Variants in PKHD1 observed in about 807,000 individuals in gnomAD.
PKHD1 encodes the protein PKHD1 ciliary IPT domain containing fibrocystin/polyductin.
Under a neutral mutation model 412.0 loss-of-function variants are expected in PKHD1, and 291 were observed. That is an observed-to-expected ratio of 0.71 (90% confidence interval 0.64 to 0.78). The LOEUF (loss-of-function observed/expected upper bound fraction) is 0.78. PKHD1 is among the 30% of genes least tolerant of loss of function. The pLI is 0.00. For synonymous variants in PKHD1, 1,777 were observed against 1,821.5 expected, an observed-to-expected ratio of 0.98 and a Z score of 0.62; for missense variants, 4,825 against 4,950.7, an observed-to-expected ratio of 0.97 and a Z score of 0.76.
At chr6:51,636,191 ATTTG>A (rs1167617050) in intron 64 of PKHD1, among the ~76,000 whole-genome samples, 1 of 152,158 alleles carries the variant, frequency 6.6e-6, no homozygotes, top group South Asian at 2.1e-4. Flanking sequence ...AGGAATAATA[ATTTG>A]TTTTTCTCTC....
At chr6:51,977,300 G>T (rs1794587595) in intron 35 of PKHD1, among the ~76,000 whole-genome samples, 1 of 152,202 alleles carries the variant, frequency 6.6e-6, no homozygotes, top group Non-Finnish European at 1.5e-5. Context: ...GTGTGTGCAT[G>T]TGTGTATTCA....
intron 60 of PKHD1, among the ~76,000 whole-genome samples, chr6:51,703,992 T>TAG (rs1562132880): frequency 4.6e-5 from 7 of 152,022 alleles, no homozygotes; most frequent in Non-Finnish European, 8.8e-5. Context: ...TTTCCAAAAG[T>TAG]CTGTTGCTAC....
At chr6:51,820,981 C>T (rs1332432184) in intron 52 of PKHD1, among the ~76,000 whole-genome samples, 1 of 152,100 alleles carries the variant, frequency 6.6e-6, no homozygotes, top group Non-Finnish European at 1.5e-5. Flanking sequence ...AATGAGAACA[C>T]GTGAAAAAAG....
At chr6:51,793,004 G>A (rs538758948) in intron 52 of PKHD1, among the ~76,000 whole-genome samples, 11 of 152,298 alleles carry the variant, frequency 7.2e-5, no homozygotes, top group African/African-American at 2.6e-4. Context: ...TAAGTGAAGA[G>A]ATCATTCTTT....
rs750639527 is a variant in PKHD1 at position 51,748,067 on chromosome 6, C to T, written c.9549G>A (p.Val3183=). 7 of 1,614,052 alleles carry T rather than the reference C, an allele frequency of 4.3e-6. No homozygotes were observed. Among genetic ancestry groups the T allele is most frequent in the Admixed American group, 1.7e-5 (1 of 59,994 alleles). Reference sequence around the variant, plus strand: ...AATTTTGTGGAGCAGAAAATACATACACTACTGCCAAAAGACCAATAGTAT... The same window carrying T: ...AATTTTGTGGAGCAGAAAATACATATACTACTGCCAAAAGACCAATAGTAT... ...VDNTIGLLAV[V]YVFSAPQNSV... The change falls in exon 58 of 67, where the codon GTG becomes GTA. Residue 3183 remains valine (V), a synonymous_variant. Coordinates refer to ENST00000371117, the MANE Select transcript of PKHD1 (RefSeq NM_138694.4).
chr6:52,003,993 G>A (rs1798753503), intron 35 of PKHD1, among the ~76,000 whole-genome samples: 1 of 152,092 alleles, frequency 6.6e-6, no homozygotes, highest in East Asian at 1.9e-4. Context: ...TGTTTCTTCT[G>A]CTTTGGATTC....
chr6:51,704,762 G>A (rs1470900569), intron 60 of PKHD1, among the ~76,000 whole-genome samples: 4 of 152,048 alleles, frequency 2.6e-5, no homozygotes, highest in Non-Finnish European at 5.9e-5. Flanking sequence ...TGGATATTCA[G>A]ATCTGGAGGT....
Position 51,847,761 on chromosome 6 carries a change from A to T in PKHD1, c.8107+14T>A. 1 of 1,576,184 alleles carries T rather than the reference A, an allele frequency of 6.3e-7. No individual in the cohort carries two copies. Among genetic ancestry groups the T allele is most frequent in the Non-Finnish European group, 8.7e-7 (1 of 1,145,556 alleles). On this transcript the variant is annotated intron_variant, in intron 50 of 66. Transcript: ENST00000371117. The stretch of plus-strand genomic sequence containing the variant: ...CTATGTGCTCTCAAAACATTCATCC[A>T]ATTGGATACTTACCCAGATAGGTGA...
chr6:51,885,721 T>C (rs952963238), intron 45 of PKHD1, 146 bp downstream of exon 45: 5 of 700,160 alleles, frequency 7.1e-6, no homozygotes, highest in Middle Eastern at 2.4e-4. Context: ...ATTGGTGCTT[T>C]AAAATTGTGA....
chr6:51,669,272 T>C (rs1774454449), intron 60 of PKHD1, among the ~76,000 whole-genome samples: 1 of 152,242 alleles, frequency 6.6e-6, no homozygotes, highest in Non-Finnish European at 1.5e-5. Flanking sequence ...GGTATAGTCT[T>C]GGGAGAGTGT....
intron 29 of PKHD1, among the ~76,000 whole-genome samples, chr6:52,032,345 G>A (rs1236043614): frequency 1.3e-5 from 2 of 152,088 alleles, no homozygotes; most frequent in Non-Finnish European, 2.9e-5. Context: ...AATCTATATG[G>A]AATTACATGA....
intron 52 of PKHD1, among the ~76,000 whole-genome samples, chr6:51,814,841 G>C (rs1245628868): frequency 2.0e-5 from 3 of 152,182 alleles, no homozygotes; most frequent in Non-Finnish European, 4.4e-5. Context: ...ACTTCATCAA[G>C]AAAAGGAACG....
chr6:51,964,891 C>T (rs1317028432), intron 35 of PKHD1, among the ~76,000 whole-genome samples: 3 of 152,052 alleles, frequency 2.0e-5, no homozygotes, highest in Admixed American at 6.6e-5. Flanking sequence ...GGTTTTATAT[C>T]TGCATGTTAC....
At chr6:51,916,398 T>C (rs1174792396) in intron 37 of PKHD1, among the ~76,000 whole-genome samples, 5 of 152,166 alleles carry the variant, frequency 3.3e-5, no homozygotes, top group Admixed American at 3.3e-4. Flanking sequence ...TTTATTTTTG[T>C]TATTTATTTT....
Position 51,745,493 on chromosome 6 carries a change from C to T in PKHD1, c.9999-951G>A, listed in dbSNP as rs192335638. ...GAAGGAGGGAGAAACCTTCACCAGA[C>T]GCCTATTATGCCAGTGTTTGATCTT... On this transcript the variant is annotated intron_variant, in intron 59 of 66. Coordinates refer to ENST00000371117, the MANE Select transcript of PKHD1 (RefSeq NM_138694.4). Among the ~76,000 whole-genome samples the T allele has an allele frequency of 7.4e-4, 113 of 152,250 alleles. 1 individual carries two copies. Among genetic ancestry groups the T allele is most frequent in the East Asian group, 3.1e-3 (16 of 5,178 alleles).
intron 63 of PKHD1, among the ~76,000 whole-genome samples, chr6:51,644,819 T>A (rs2661503): frequency 0.41 from 62,125 of 151,878 alleles, 12,762 homozygotes; most frequent in African/African-American, 0.47. Flanking sequence ...AGCTGGGACT[T>A]CAGGTGCATG....
At chr6:51,915,290 A>G (rs1048993079) in intron 37 of PKHD1, among the ~76,000 whole-genome samples, 3 of 152,078 alleles carry the variant, frequency 2.0e-5, no homozygotes, top group South Asian at 2.1e-4. Context: ...ATCCTGAGAG[A>G]AGGCTCCAAG....
chr6:51,677,550 G>T (rs1408253446), intron 60 of PKHD1, among the ~76,000 whole-genome samples: 1 of 152,140 alleles, frequency 6.6e-6, no homozygotes, highest in African/African-American at 2.4e-5. Context: ...CCAAAGTTTT[G>T]TAGTTGGGCC....
chr6:51,785,820 AC>A (rs1792762013), intron 53 of PKHD1, among the ~76,000 whole-genome samples: 1 of 152,116 alleles, frequency 6.6e-6, no homozygotes, highest in Admixed American at 6.6e-5. Context: ...TTTTAATTTC[AC>A]ATTTGAGCTG....
Sources: gnomAD v4.1 joint callset for allele counts (sites outside exome capture counted in the v4.1 genomes callset) on GRCh38, gnomAD v4.1.1 for gene constraint, MANE v1.5 for transcripts, NCBI Gene and HGNC (gene_info 2026-07-23, HGNC 2026-07-21) for gene names.